EHD3: variants seen among roughly 807,000 people sequenced by gnomAD.
The protein encoded by EHD3 is EH domain-containing protein 3.
A neutral mutation model predicts 43.0 loss-of-function variants in EHD3; 17 were observed. The ratio of observed to expected loss-of-function variants is 0.40; its 90% confidence interval spans 0.27 to 0.59. The LOEUF is 0.59. Among genes scored for constraint, EHD3 ranks in the 20% least tolerant of loss-of-function variants. The pLI is 0.49. For missense variants in EHD3, 594 were observed against 705.6 expected (o/e 0.84, Z 1.79); for synonymous variants, 313 against 289.5 (o/e 1.08, Z -0.82).
chr2:31,248,020 G>A (rs114239752), intron 2 of EHD3, among the ~76,000 whole-genome samples: 321 of 152,348 alleles, frequency 2.1e-3, no homozygotes, highest in African/African-American at 6.5e-3. Flanking sequence ...CTGGGAGTCT[G>A]CCAGGCATGT....
At chr2:31,263,671 C>T (rs1025166537) in intron 5 of EHD3, among the ~76,000 whole-genome samples, 2 of 152,136 alleles carry the variant, frequency 1.3e-5, no homozygotes, top group Admixed American at 1.3e-4. Context: ...CTGGCTCAGC[C>T]TCACCCTAGG....
chr2:31,261,577 A>G lies in EHD3; in HGVS notation c.944A>G (p.Lys315Arg). ...KVHAYIISSL[K>R]KEMPSVFGKD... Reference sequence around the variant, plus strand: ...CACGCCTACATCATCAGCTCTCTGAAGAAGGAGATGCCCTCGGTGTTCGGG... The same window carrying G: ...CACGCCTACATCATCAGCTCTCTGAGGAAGGAGATGCCCTCGGTGTTCGGG... The change falls in exon 5 of 6, where the codon AAG becomes AGG. Residue 315 changes from lysine to arginine, a missense_variant. Transcript: ENST00000322054. The G allele has an allele frequency of 6.2e-7, 1 of 1,614,184 alleles. No individual in the cohort carries two copies. Among genetic ancestry groups the G allele is most frequent in the South Asian group, 1.1e-5 (1 of 91,080 alleles).
At chr2:31,245,356 C>G (rs1297413019) in intron 2 of EHD3, among the ~76,000 whole-genome samples, 1 of 151,878 alleles carries the variant, frequency 6.6e-6, no homozygotes, top group East Asian at 1.9e-4. Context: ...ACAGAAAACA[C>G]TTCGTGCCTG....
chr2:31,266,611 C>T lies in EHD3; in HGVS notation c.1515C>T (p.Asn505=), dbSNP rs1366897985. 6.2e-7 allele frequency: 1 copy of T among 1,614,020 alleles called. No homozygotes were observed. Among genetic ancestry groups the T allele is most frequent in the East Asian group, 2.2e-5 (1 of 44,878 alleles). ...MLDDDEFALA[N]HLIKVKLEGH... ...ACGACGACGAGTTTGCACTGGCCAA[C>T]CACCTCATCAAAGTCAAGCTGGAGG... The change falls in exon 6 of 6, where the codon AAC becomes AAT. Residue 505 remains asparagine (N), a synonymous_variant. Coordinates refer to ENST00000322054, the MANE Select transcript of EHD3 (RefSeq NM_014600.3). This position sits in a 1 kb window ranked among gnomAD's most constrained non-coding sequence, Gnocchi z 5.1.
chr2:31,241,917 G>T (rs1229738332), intron 1 of EHD3, among the ~76,000 whole-genome samples: 1 of 152,198 alleles, frequency 6.6e-6, no homozygotes, highest in Non-Finnish European at 1.5e-5. Flanking sequence ...CTCTGACCAG[G>T]GGAAATCCTG....
At chr2:31,240,873 C>G (rs1326825051) in intron 1 of EHD3, among the ~76,000 whole-genome samples, 1 of 152,194 alleles carries the variant, frequency 6.6e-6, no homozygotes, top group East Asian at 1.9e-4. Context: ...TCCACTGTTG[C>G]TGCTCCCTTG....
At chr2:31,254,697 T>A (rs1204483731) in intron 3 of EHD3, among the ~76,000 whole-genome samples, 1 of 152,194 alleles carries the variant, frequency 6.6e-6, no homozygotes, top group Non-Finnish European at 1.5e-5. Flanking sequence ...GCTCAGCCTC[T>A]GAGCTTCAGG....
At chr2:31,242,756 C>G (rs958316162) in intron 1 of EHD3, among the ~76,000 whole-genome samples, 4 of 151,948 alleles carry the variant, frequency 2.6e-5, no homozygotes, top group African/African-American at 9.7e-5. Context: ...GTCGGGAGTT[C>G]GAGACCAGCC....
rs1448971678 is a variant in EHD3 at position 31,268,916 on chromosome 2, C to G, written c.*2212C>G. ...CACATGCCACTTTCCTGCCCTTCTA[C>G]ATATGCTGCCTCTCTTCCCTCTCTC... On this transcript the variant is annotated 3_prime_UTR_variant, in exon 6 of 6. Transcript: ENST00000322054. 2 of 152,336 alleles carry G rather than the reference C, an allele frequency of 1.3e-5. No homozygotes were observed. The highest frequency in any genetic ancestry group is 2.4e-5 in the African/African-American group (1 of 41,468). The allele number at this position is 152,336 out of a possible 1,614,324, so 9.4% of individuals were successfully genotyped here.
intron 1 of EHD3, among the ~76,000 whole-genome samples, chr2:31,237,182 A>G (rs1287975978): frequency 6.6e-6 from 1 of 152,158 alleles, no homozygotes; most frequent in African/African-American, 2.4e-5. Flanking sequence ...AAATCCAGTA[A>G]ACAGTTGTTT....
chr2:31,252,428 C>G (rs1683655575), intron 3 of EHD3, among the ~76,000 whole-genome samples: 1 of 152,188 alleles, frequency 6.6e-6, no homozygotes, highest in Non-Finnish European at 1.5e-5. Flanking sequence ...CAGTTCCTAT[C>G]CTATTCTATT....
At chr2:31,240,346 G>A (rs1473686944) in intron 1 of EHD3, among the ~76,000 whole-genome samples, 4 of 152,234 alleles carry the variant, frequency 2.6e-5, no homozygotes, top group Non-Finnish European at 5.9e-5. Context: ...TGGCAACAGA[G>A]GCAATCTGTA....
At chr2:31,242,473 C>T (rs1683440479) in intron 1 of EHD3, among the ~76,000 whole-genome samples, 1 of 152,212 alleles carries the variant, frequency 6.6e-6, no homozygotes, top group Non-Finnish European at 1.5e-5. Flanking sequence ...CCACCATATA[C>T]TATTACATTC....
intron 1 of EHD3, among the ~76,000 whole-genome samples, chr2:31,239,603 A>T (rs1181939998): frequency 6.6e-6 from 1 of 152,192 alleles, no homozygotes; most frequent in Non-Finnish European, 1.5e-5. Flanking sequence ...AGTCCAAGTC[A>T]GCAGAATCCA....
intron 2 of EHD3, among the ~76,000 whole-genome samples, chr2:31,246,173 TG>T (rs1683522848): frequency 6.6e-6 from 1 of 151,686 alleles, no homozygotes; most frequent in African/African-American, 2.4e-5. Flanking sequence ...TAAGGTGCAG[TG>T]GGGCAGGTGT....
chr2:31,239,775 C>T (rs1191122329), intron 1 of EHD3, among the ~76,000 whole-genome samples: 2 of 152,198 alleles, frequency 1.3e-5, no homozygotes, highest in Admixed American at 1.3e-4. Flanking sequence ...GGAGGCAGAA[C>T]CAGTTTAGCA....
At chr2:31,258,225 C>G (rs1360483652) in intron 3 of EHD3, among the ~76,000 whole-genome samples, 4 of 152,006 alleles carry the variant, frequency 2.6e-5, no homozygotes, top group African/African-American at 4.8e-5. Flanking sequence ...TTTGACCTTC[C>G]TTTGTTTGTT....
intron 5 of EHD3, 111 bp downstream of exon 5, chr2:31,261,824 G>T: frequency 1.7e-5 from 22 of 1,309,032 alleles, no homozygotes; most frequent in South Asian, 7.5e-5. Flanking sequence ...ACCCCGCCCA[G>T]AATCTGCAGG....
chr2:31,266,862 G>A lies in EHD3; in HGVS notation c.*158G>A, dbSNP rs1042031877. 1.2e-5 allele frequency: 11 copies of A among 912,414 alleles called. No homozygotes were observed. Among genetic ancestry groups the A allele is most frequent in the South Asian group, 3.9e-5 (2 of 51,406 alleles). The allele number at this position is 912,414 out of a possible 1,614,324, so 56.5% of individuals were successfully genotyped here. On this transcript the variant is annotated 3_prime_UTR_variant, in exon 6 of 6. Coordinates refer to ENST00000322054, the MANE Select transcript of EHD3 (RefSeq NM_014600.3). This position sits in a 1 kb window ranked among gnomAD's most constrained non-coding sequence, Gnocchi z 5.1. Reference sequence around the variant, plus strand: ...GGTGAGAGAGGACCATGACGCCCATGTTTGCAGCTGATACTTGTTTGGGCA... The same window carrying A: ...GGTGAGAGAGGACCATGACGCCCATATTTGCAGCTGATACTTGTTTGGGCA...
Sources: gnomAD v4.1 joint callset for allele counts (sites outside exome capture counted in the v4.1 genomes callset) on GRCh38, gnomAD v4.1.1 for gene constraint, Gnocchi (gnomAD v3.1) non-coding constraint, MANE v1.5 for transcripts, NCBI Gene and HGNC (gene_info 2026-07-23, HGNC 2026-07-21) for gene names.